The following NBEA variants were observed in gnomAD, a reference collection of about 807,000 sequenced individuals.
NBEA encodes the protein neurobeachin.
A neutral mutation model predicts 343.4 loss-of-function variants in NBEA; 44 were observed. The ratio of observed to expected loss-of-function variants is 0.13; its 90% confidence interval spans 0.10 to 0.16. The LOEUF (loss-of-function observed/expected upper bound fraction) is 0.16. Among genes scored for constraint, NBEA ranks in the 10% least tolerant of loss-of-function variants. NBEA has a pLI of 1.00. For synonymous variants in NBEA, 1,175 were observed against 1,238.7 expected, an observed-to-expected ratio of 0.95 and a Z score of 1.08; for missense variants, 2,555 against 3,631.3, an observed-to-expected ratio of 0.70 and a Z score of 7.62.
At chr13:35,401,823 G>A (rs2043015354) in intron 38 of NBEA, among the ~76,000 whole-genome samples, 1 of 151,944 alleles carries the variant, frequency 6.6e-6, no homozygotes, top group Non-Finnish European at 1.5e-5. Context: ...AATGGATTAT[G>A]GATTAGTGAG....
intron 48 of NBEA, among the ~76,000 whole-genome samples, chr13:35,627,640 G>A (rs1434980139): frequency 6.6e-6 from 1 of 151,908 alleles, no homozygotes; most frequent in Non-Finnish European, 1.5e-5. Flanking sequence ...CTTCAGGCAG[G>A]AAAATAAATG....
intron 48 of NBEA, among the ~76,000 whole-genome samples, chr13:35,616,712 A>T (rs943007439): frequency 6.6e-6 from 1 of 152,214 alleles, no homozygotes; most frequent in Admixed American, 6.5e-5. Flanking sequence ...CTGAGTAACA[A>T]TTTTTAAAAT....
chr13:35,602,539 T>C (rs1032818830), intron 47 of NBEA, among the ~76,000 whole-genome samples: 4 of 152,240 alleles, frequency 2.6e-5, no homozygotes, highest in African/African-American at 7.2e-5. Context: ...TTCAGAAGTT[T>C]CTTTCTATCT....
intron 34 of NBEA, among the ~76,000 whole-genome samples, chr13:35,238,860 T>G (rs745354289): frequency 2.6e-5 from 4 of 152,128 alleles, no homozygotes; most frequent in Admixed American, 6.5e-5. Flanking sequence ...TAAAAGTATA[T>G]AAATATAGCA....
At chr13:35,060,525 C>G (rs2063428395) in intron 8 of NBEA, among the ~76,000 whole-genome samples, 1 of 151,680 alleles carries the variant, frequency 6.6e-6, no homozygotes, top group South Asian at 2.1e-4. Flanking sequence ...AAGAGATATA[C>G]TTGTAAATTT....
chr13:35,293,118 T>A (rs1594102114), intron 35 of NBEA, among the ~76,000 whole-genome samples: 1 of 152,090 alleles, frequency 6.6e-6, no homozygotes, highest in East Asian at 1.9e-4. Context: ...TCCTAATAGT[T>A]TGTGCCCAAA....
intron 11 of NBEA, among the ~76,000 whole-genome samples, chr13:35,105,277 G>A (rs1179590128): frequency 2.0e-5 from 3 of 151,964 alleles, no homozygotes; most frequent in African/African-American, 7.2e-5. Context: ...CTGGAAACCA[G>A]TAGGCAAGGG....
rs188652855 is a variant in NBEA, at chr13:34,986,710, T to C, written c.294+43596T>C. 7.2e-3 allele frequency among the ~76,000 whole-genome samples: 1,095 copies of C among 151,090 alleles called. 66 individuals are homozygous for C. Among genetic ancestry groups the C allele is most frequent in the South Asian group, 0.029 (139 of 4,750 alleles). On this transcript the variant is annotated intron_variant, in intron 1 of 58. Coordinates refer to ENST00000379939, the MANE Select transcript of NBEA (RefSeq NM_001385012.1). The stretch of plus-strand genomic sequence containing the variant: ...TCTCTAAGGACTTGCTTTATGAGTC[T>C]GGGTGCTCCTGTATTGGGTGCATAT...
chr13:35,409,654 C>A (rs528894501), intron 38 of NBEA, among the ~76,000 whole-genome samples: 1 of 152,034 alleles, frequency 6.6e-6, no homozygotes, highest in Admixed American at 6.6e-5. Context: ...CTACCTGTTT[C>A]TCTTTCTGAT....
intron 36 of NBEA, among the ~76,000 whole-genome samples, chr13:35,329,791 G>A (rs2038806482): frequency 7.5e-6 from 1 of 134,224 alleles, no homozygotes; most frequent in Non-Finnish European, 1.6e-5. Context: ...ATTTTAAAGG[G>A]TTAATTATAT....
chr13:35,399,576 A>G (rs948516925), intron 38 of NBEA, among the ~76,000 whole-genome samples: 2 of 152,140 alleles, frequency 1.3e-5, no homozygotes, highest in African/African-American at 2.4e-5. Context: ...GGGGATTACA[A>G]TTGGAGATGA....
chr13:35,630,891 T>C (rs1422186074), intron 49 of NBEA, among the ~76,000 whole-genome samples: 1 of 152,150 alleles, frequency 6.6e-6, no homozygotes, highest in African/African-American at 2.4e-5. Flanking sequence ...AGTGTAGACA[T>C]AACAGATTAA....
intron 1 of NBEA, among the ~76,000 whole-genome samples, chr13:34,983,532 T>C (rs979297668): frequency 2.0e-5 from 3 of 152,220 alleles, no homozygotes; most frequent in Non-Finnish European, 4.4e-5. Flanking sequence ...TTTGGGTATA[T>C]ACCCAGTAGT....
rs142697883 is a variant in NBEA, at chr13:35,558,864, G to T, written c.6922+3762G>T. 8.1e-3 allele frequency among the ~76,000 whole-genome samples: 1,227 copies of T among 152,286 alleles called. 13 individuals carry two copies. Among genetic ancestry groups the T allele is most frequent in the African/African-American group, 0.027 (1,104 of 41,570 alleles). On this transcript the variant is annotated intron_variant, in intron 44 of 58. Transcript: ENST00000379939. ...TTCAGTGTAATAAAAGTTTAGAGAA[G>T]TGAGAGATTAATATGAAATAGTCTA...
intron 57 of NBEA, among the ~76,000 whole-genome samples, chr13:35,668,092 A>G (rs1339991954): frequency 6.6e-6 from 1 of 152,158 alleles, no homozygotes; most frequent in East Asian, 1.9e-4. Flanking sequence ...TTCTTCCTGG[A>G]TTAAATTGAT....
chr13:34,965,092 C>T (rs2059778666), intron 1 of NBEA, among the ~76,000 whole-genome samples: 1 of 151,898 alleles, frequency 6.6e-6, no homozygotes, highest in South Asian at 2.1e-4. Context: ...GTTTTAAACC[C>T]TGACAGAACT....
In NBEA at chr13:35,218,682, GTAA is replaced by G. The variant is rs368171453; in HGVS notation, c.5648+7505_5648+7507del. Among the ~76,000 whole-genome samples the G allele has an allele frequency of 6.2e-3, 942 of 151,694 alleles. 4 individuals are homozygous for G. Among genetic ancestry groups the G allele is most frequent in the Non-Finnish European group, 0.011 (717 of 67,882 alleles). On this transcript the variant is annotated intron_variant, in intron 33 of 58. Coordinates refer to ENST00000379939, the MANE Select transcript of NBEA (RefSeq NM_001385012.1). ...TAAATGTTATACATCTCTTATATTT[GTAA>G]TTAACAAAAACTTGCTATCATGACG...
chr13:35,007,668 G>A (rs1230438174), intron 1 of NBEA, among the ~76,000 whole-genome samples: 3 of 151,854 alleles, frequency 2.0e-5, no homozygotes, highest in African/African-American at 7.3e-5. Flanking sequence ...AATTTTTTTT[G>A]TATTGGTGGA....
At chr13:34,992,206 G>GTA (rs1390270339) in intron 1 of NBEA, among the ~76,000 whole-genome samples, 1 of 137,232 alleles carries the variant, frequency 7.3e-6, no homozygotes, top group African/African-American at 2.6e-5. Flanking sequence ...ATATGTGTGT[G>GTA]TGTGTGTGTG....
Sources: gnomAD v4.1 joint callset for allele counts (sites outside exome capture counted in the v4.1 genomes callset) on GRCh38, gnomAD v4.1.1 for gene constraint, MANE v1.5 for transcripts, NCBI Gene and HGNC (gene_info 2026-07-23, HGNC 2026-07-21) for gene names.